The following KCND3 variants were observed in gnomAD, a reference collection of about 807,000 sequenced individuals.
KCND3 encodes the protein potassium voltage-gated channel subfamily D member 3.
Under a neutral mutation model 51.1 loss-of-function variants are expected in KCND3, and 9 were observed. The ratio of observed to expected loss-of-function variants is 0.18; its 90% CI spans 0.11 to 0.31. The LOEUF (loss-of-function observed/expected upper bound fraction) is 0.31, where lower values mean the gene tolerates loss of function less well. Among genes scored for constraint, KCND3 ranks in the 10% least tolerant of loss-of-function variants. KCND3 has a pLI of 1.00. For missense variants in KCND3, 526 were observed against 903.8 expected (o/e 0.58, Z 5.36); for synonymous variants, 349 against 368.0 (o/e 0.95, Z 0.59).
intron 2 of KCND3, among the ~76,000 whole-genome samples, chr1:111,864,312 G>A (rs903238408): frequency 6.6e-6 from 1 of 152,196 alleles, no homozygotes; most frequent in African/African-American, 2.4e-5. Context: ...GATTGCTGTT[G>A]GTGGGGCAGC....
At chr1:111,857,177 G>A (rs999513523) in intron 2 of KCND3, among the ~76,000 whole-genome samples, 43 of 152,124 alleles carry the variant, frequency 2.8e-4, no homozygotes, top group African/African-American at 1.0e-3. Flanking sequence ...TTTCATATTC[G>A]TTACTTTGGG....
intron 2 of KCND3, among the ~76,000 whole-genome samples, chr1:111,956,112 T>C (rs1254424968): frequency 2.0e-5 from 3 of 152,094 alleles, no homozygotes; most frequent in East Asian, 3.9e-4. Flanking sequence ...CTAACAAGCA[T>C]AGGACAGATT....
At chr1:111,931,045 C>T (rs1014173302) in intron 2 of KCND3, among the ~76,000 whole-genome samples, 1 of 152,228 alleles carries the variant, frequency 6.6e-6, no homozygotes, top group African/African-American at 2.4e-5. Flanking sequence ...ACATTGTCTG[C>T]TGAACAAGTT....
intron 2 of KCND3, among the ~76,000 whole-genome samples, chr1:111,875,944 G>A (rs553276144): frequency 1.3e-5 from 2 of 152,340 alleles, no homozygotes; most frequent in South Asian, 4.1e-4. Context: ...GGATGGTTAT[G>A]GAGGCAGCAG....
chr1:111,818,040 G>GCACACACACACACACACA, intron 2 of KCND3, among the ~76,000 whole-genome samples: 3 of 148,074 alleles, frequency 2.0e-5, no homozygotes, highest in East Asian at 4.0e-4. Flanking sequence ...ACACGCGCGT[G>GCACACACACACACACACA]CACACACACA....
At chr1:111,943,364 T>A (rs1477866071) in intron 2 of KCND3, among the ~76,000 whole-genome samples, 1 of 144,300 alleles carries the variant, frequency 6.9e-6, no homozygotes, top group Non-Finnish European at 1.6e-5. Flanking sequence ...CAGCATCTCC[T>A]CAGAGCACTG....
intron 2 of KCND3, among the ~76,000 whole-genome samples, chr1:111,865,467 T>A (rs1246807712): frequency 6.6e-6 from 1 of 152,182 alleles, no homozygotes; most frequent in Non-Finnish European, 1.5e-5. Flanking sequence ...TCACAGTGGA[T>A]CTTGTCAGGG....
chr1:111,802,367 T>C (rs917962395), intron 2 of KCND3, among the ~76,000 whole-genome samples: 2 of 152,250 alleles, frequency 1.3e-5, no homozygotes, highest in African/African-American at 4.8e-5. Context: ...CACACTTGCC[T>C]GCCCCCGCTC....
chr1:111,799,267 C>A (rs548259529), intron 2 of KCND3, among the ~76,000 whole-genome samples: 7 of 152,238 alleles, frequency 4.6e-5, no homozygotes, highest in South Asian at 2.1e-4. Context: ...TAGATTTAGA[C>A]CCTCCCCAAA....
At chr1:111,944,144 G>A (rs764756186) in intron 2 of KCND3, among the ~76,000 whole-genome samples, 29 of 152,198 alleles carry the variant, frequency 1.9e-4, no homozygotes, top group Admixed American at 3.9e-4. Flanking sequence ...TCTCTAAGGG[G>A]GTGAGAAGGG....
In KCND3 at chr1:111,780,320, A is replaced by G. The variant is rs765435324; in HGVS notation, c.1372-6T>C. ...TGCTCCTCTTCTGGGGTGCCCTAGT[A>G]AAAAAAGAAGAGAGATTGAGTAAAA... On this transcript the variant is annotated splice_polypyrimidine_tract_variant and splice_region_variant and intron_variant, in intron 4 of 7. Coordinates refer to ENST00000302127, the MANE Select transcript of KCND3 (RefSeq NM_001378969.1). This position sits in a 1 kb window ranked among gnomAD's most constrained non-coding sequence, Gnocchi z 4.2. 27 of 1,558,962 alleles carry G rather than the reference A, an allele frequency of 1.7e-5. No individual in the cohort carries two copies. The highest frequency in any genetic ancestry group is 2.0e-5 in the Non-Finnish European group (23 of 1,150,328).
chr1:111,841,622 C>A (rs1667323972), intron 2 of KCND3, among the ~76,000 whole-genome samples: 1 of 152,224 alleles, frequency 6.6e-6, no homozygotes. Context: ...GATAATACTA[C>A]TTATCTTTTG....
chr1:111,918,806 G>C (rs1345813961), intron 2 of KCND3, among the ~76,000 whole-genome samples: 1 of 152,122 alleles, frequency 6.6e-6, no homozygotes, highest in Non-Finnish European at 1.5e-5. Context: ...AACTAGGGAT[G>C]ATGAAGCAGG....
At chr1:111,828,127 C>T (rs549528216) in intron 2 of KCND3, among the ~76,000 whole-genome samples, 11 of 152,296 alleles carry the variant, frequency 7.2e-5, no homozygotes, top group Admixed American at 1.3e-4. Context: ...GCAGCACTGA[C>T]GGGGCATATC....
At chr1:111,970,190 T>C (rs1674251524) in intron 2 of KCND3, among the ~76,000 whole-genome samples, 1 of 152,136 alleles carries the variant, frequency 6.6e-6, no homozygotes, top group Non-Finnish European at 1.5e-5. Flanking sequence ...CTAATTTTTG[T>C]ATTTTTAGTA....
chr1:111,887,102 T>A (rs553336989), intron 2 of KCND3, among the ~76,000 whole-genome samples: 3 of 151,928 alleles, frequency 2.0e-5, no homozygotes, highest in Non-Finnish European at 4.4e-5. Flanking sequence ...GGGGCTAAAG[T>A]GGAGTTTTTG....
chr1:111,857,719 C>A (rs1668144478), intron 2 of KCND3, among the ~76,000 whole-genome samples: 1 of 151,938 alleles, frequency 6.6e-6, no homozygotes, highest in South Asian at 2.1e-4. Context: ...GGTGAACTCA[C>A]TGGTCCACAG....
Position 111,958,882 on chromosome 1 carries a change from G to T in KCND3, c.1106+22739C>A, listed in dbSNP as rs566605145. 2.7e-3 allele frequency among the ~76,000 whole-genome samples: 407 copies of T among 152,262 alleles called. 2 individuals are homozygous for T. The highest frequency in any genetic ancestry group is 9.5e-3 in the African/African-American group (395 of 41,526). ...TGGTGGTGGGGGAACAAAATCTCTC[G>T]ATTAGTTTTTACACAGAGGCTGCCG... is the stretch of plus-strand genomic sequence containing the variant. On this transcript the variant is annotated intron_variant, in intron 2 of 7. Transcript: ENST00000302127.
At chr1:111,823,972 C>T (rs1210708112) in intron 2 of KCND3, among the ~76,000 whole-genome samples, 1 of 151,996 alleles carries the variant, frequency 6.6e-6, no homozygotes, top group African/African-American at 2.4e-5. Flanking sequence ...CAGACAATGC[C>T]CAGCACTGAG....
Sources: gnomAD v4.1 joint callset for allele counts (sites outside exome capture counted in the v4.1 genomes callset) on GRCh38, gnomAD v4.1.1 for gene constraint, Gnocchi (gnomAD v3.1) non-coding constraint, MANE v1.5 for transcripts, NCBI Gene and HGNC (gene_info 2026-07-23, HGNC 2026-07-21) for gene names.